Variants in STAB1 observed in about 807,000 individuals in gnomAD.
STAB1 encodes the protein stabilin 1.
A neutral mutation model predicts 332.4 loss-of-function variants in STAB1; 250 were observed. The observed-to-expected ratio is 0.75, with a 90% CI of 0.68 to 0.84. The LOEUF (loss-of-function observed/expected upper bound fraction) is 0.84. STAB1 is among the 40% of genes least tolerant of loss of function. STAB1 has a pLI of 0.00. For synonymous variants in STAB1, 1,475 were observed against 1,390.4 expected (o/e 1.06, Z -1.35); for missense variants, 3,249 against 3,489.7 (o/e 0.93, Z 1.74).
chr3:52,507,543 C>G, intron 18 of STAB1, 70 bp from the exon 19 acceptor site: 1 of 1,497,280 alleles, frequency 6.7e-7, no homozygotes, highest in East Asian at 2.4e-5. Context: ...TCAATGTTCC[C>G]TTCTCTGGGT....
At chr3:52,499,927 G>A (rs1708324223) in intron 1 of STAB1, among the ~76,000 whole-genome samples, 1 of 132,618 alleles carries the variant, frequency 7.5e-6, no homozygotes, top group Admixed American at 8.0e-5. Context: ...AAAAAAACTG[G>A]CCAGGCACAG....
chr3:52,517,455 T>C (rs2078912574), intron 43 of STAB1, 62 bp downstream of exon 43: 1 of 1,576,844 alleles, frequency 6.3e-7, no homozygotes, highest in East Asian at 2.2e-5. Flanking sequence ...GGGGCCTCCC[T>C]TCAGGGCAGG....
chr3:52,517,003 C>T lies in STAB1; in HGVS notation c.4383C>T (p.His1461=), dbSNP rs142936515. ...IFCSEVDPCA[H]GHGGCSPHAN... ...CCTTAGAGGTGGACCCCTGCGCCCACGGCCATGGGGGCTGCTCCCCTCATG... is the reference window on the plus strand; with the variant it reads ...CCTTAGAGGTGGACCCCTGCGCCCATGGCCATGGGGGCTGCTCCCCTCATG... Residue 1461 remains histidine, a synonymous_variant, in exon 42 of 69, where the codon CAC becomes CAT. Coordinates refer to ENST00000321725, the MANE Select transcript of STAB1 (RefSeq NM_015136.3). 4.1e-5 allele frequency: 66 copies of T among 1,610,030 alleles called. No homozygotes were observed. Among genetic ancestry groups the T allele is most frequent in the Middle Eastern group, 1.7e-4 (1 of 5,718 alleles).
chr3:52,497,856 G>C (rs180805594), intron 1 of STAB1, among the ~76,000 whole-genome samples: 70 of 152,300 alleles, frequency 4.6e-4, no homozygotes, highest in Admixed American at 3.9e-3. Context: ...CGGGTAACCT[G>C]TTCAGTAAGG....
chr3:52,518,860 C>A lies in STAB1; in HGVS notation c.5025C>A (p.Ser1675Arg). Residue 1675 changes from serine (S) to arginine (R), a missense_variant, in exon 48 of 69, where the codon AGC (serine) becomes AGA (arginine). Transcript: ENST00000321725. ...TCTCAGGGCACCCACTGCGCTTCAG[C>A]GAGAGGGAGGTGAGCCCTGGCCCTG... ...TALSGHPLRF[S>R]EREGSIYLND... 1 of 1,590,838 alleles carries A rather than the reference C, an allele frequency of 6.3e-7. No homozygotes were observed.
chr3:52,507,973 G>A lies in STAB1; in HGVS notation c.2095G>A (p.Gly699Arg). ...GTGTGTCTACATCCATGACCCAACG[G>A]GGCTCAATGTGCTAAAGAAGGGCTG... is the stretch of plus-strand genomic sequence containing the variant. ...KECVYIHDPT[G>R]LNVLKKGCAS... is the part of the protein sequence containing the mutation. The change falls in exon 20 of 69, where the codon GGG becomes AGG. Residue 699 changes from glycine to arginine, a missense_variant. Transcript: ENST00000321725. 5 of 1,613,690 alleles carry A rather than the reference G, an allele frequency of 3.1e-6. No homozygotes were observed. Among genetic ancestry groups the A allele is most frequent in the Non-Finnish European group, 4.2e-6 (5 of 1,179,984 alleles).
intron 37 of STAB1, 48 bp from the exon 38 acceptor site, chr3:52,515,995 C>A (rs1181029700): frequency 1.6e-5 from 24 of 1,527,102 alleles, no homozygotes; most frequent in African/African-American, 5.5e-5. Context: ...TTCCCCCTGA[C>A]ACCTTGCTGG....
chr3:52,513,612 C>A, intron 30 of STAB1, 105 bp from the exon 31 acceptor site: 1 of 1,193,956 alleles, frequency 8.4e-7, no homozygotes, highest in Non-Finnish European at 1.2e-6. Context: ...GCCTGCGGAC[C>A]ACCTGTGGGT....
At position 52,495,360 on chromosome 3, in the gene STAB1, C is replaced by T; in HGVS notation, c.-54C>T. 1.6e-6 allele frequency: 2 copies of T among 1,274,032 alleles called. No individual in the cohort carries two copies. Among genetic ancestry groups the T allele is most frequent in the Non-Finnish European group, 2.0e-6 (2 of 998,124 alleles). The allele number at this position is 1,274,032 out of a possible 1,614,324, so 78.9% of individuals were successfully genotyped here. A position where few individuals can be genotyped will look rare whatever the true frequency, so the allele number is the denominator to read the frequency against. ...CGCCTGCCTGTGCTGTGCCTGCCTCCTAGAGCTCATTCCCTACGCCCCGAC... is the reference window on the plus strand; with the variant it reads ...CGCCTGCCTGTGCTGTGCCTGCCTCTTAGAGCTCATTCCCTACGCCCCGAC... On this transcript the variant is annotated 5_prime_UTR_variant, in exon 1 of 69. Coordinates refer to ENST00000321725, the MANE Select transcript of STAB1 (RefSeq NM_015136.3).
chr3:52,522,305 C>T (rs200624072), intron 59 of STAB1, 25 bp from the exon 60 acceptor site: 183 of 1,612,316 alleles, frequency 1.1e-4, no homozygotes, highest in Middle Eastern at 3.3e-4. Context: ...GGGTGAAGGG[C>T]GCCCACTGCT....
intron 61 of STAB1, 41 bp from the exon 62 acceptor site, chr3:52,522,734 G>T: frequency 6.2e-7 from 1 of 1,612,756 alleles, no homozygotes; most frequent in South Asian, 1.1e-5. Context: ...GGGAGGCCTT[G>T]ACTGGGTCTT....
chr3:52,506,313 TCTCAGCCTTGTGTG>T, intron 17 of STAB1, 63 bp downstream of exon 17: 1 of 1,460,654 alleles, frequency 6.8e-7, no homozygotes. Flanking sequence ...CCACTTGGCC[TCTCAGCCTTGTGTG>T]CTCCGAGCCC....
chr3:52,519,740 C>A, intron 50 of STAB1, 176 bp downstream of exon 50: 1 of 1,162,442 alleles, frequency 8.6e-7, no homozygotes, highest in Non-Finnish European at 1.2e-6. Flanking sequence ...CCAGGTTGAG[C>A]ACATGGGTGT....
chr3:52,509,731 A>G, intron 22 of STAB1, 139 bp from the exon 23 acceptor site: 1 of 846,226 alleles, frequency 1.2e-6, no homozygotes, highest in Non-Finnish European at 1.9e-6. Flanking sequence ...ATTGAGTCTG[A>G]GATAACCTCT....
At chr3:52,521,165 C>A (rs1300835207) in intron 55 of STAB1, among the ~76,000 whole-genome samples, 160 bp downstream of exon 55, 3 of 152,086 alleles carry the variant, frequency 2.0e-5, no homozygotes, top group African/African-American at 4.8e-5. Context: ...AGAGGCATGG[C>A]GGTAGTGTGG....
intron 20 of STAB1, 61 bp from the exon 21 acceptor site, chr3:52,508,212 C>T: frequency 6.6e-7 from 1 of 1,516,022 alleles, no homozygotes; most frequent in Non-Finnish European, 9.0e-7. Flanking sequence ...GGAGCAGAGG[C>T]AGCCTGGGCA....
chr3:52,513,612 C>T (rs1709451686), intron 30 of STAB1, 105 bp from the exon 31 acceptor site: 7 of 1,193,960 alleles, frequency 5.9e-6, no homozygotes, highest in East Asian at 2.6e-5. Flanking sequence ...GCCTGCGGAC[C>T]ACCTGTGGGT....
chr3:52,514,062 G>A (rs1216635453), intron 32 of STAB1, 53 bp from the exon 33 acceptor site: 1 of 1,602,732 alleles, frequency 6.2e-7, no homozygotes, highest in African/African-American at 1.3e-5. Flanking sequence ...CTGGCTCCCA[G>A]TGTCAGGACT....
chr3:52,523,140 T>TGGGGGCCACCCTTGGGGGCGG lies in STAB1; in HGVS notation c.7020+11_7020+31dup. On this transcript the variant is annotated splice_region_variant and intron_variant, in intron 63 of 68. Transcript: ENST00000321725. ...ACTTCTCCACCTTCTATGGGGTGTGTGGGGGCCACCCTTGGGGGCGGGGGG... is the reference window on the plus strand; with the variant it reads ...ACTTCTCCACCTTCTATGGGGTGTGTGGGGGCCACCCTTGGGGGCGGGGGGGCCACCCTTGGGGGCGGGGGG... The TGGGGGCCACCCTTGGGGGCGG allele has an allele frequency of 2.5e-6, 4 of 1,603,290 alleles. No homozygotes were observed. The highest frequency in any genetic ancestry group is 3.4e-6 in the Non-Finnish European group (4 of 1,175,216).
Sources: gnomAD v4.1 joint callset for allele counts (sites outside exome capture counted in the v4.1 genomes callset) on GRCh38, gnomAD v4.1.1 for gene constraint, MANE v1.5 for transcripts, NCBI Gene and HGNC (gene_info 2026-07-23, HGNC 2026-07-21) for gene names.